The following RIC1 variants were observed in gnomAD, a reference collection of about 807,000 sequenced individuals.
The protein encoded by RIC1 is guanine nucleotide exchange factor subunit RIC1.
RIC1 carries 88 observed loss-of-function variants against 169.0 expected under a neutral mutation model. The ratio of observed to expected loss-of-function variants is 0.52; its 90% CI spans 0.44 to 0.62. The LOEUF (loss-of-function observed/expected upper bound fraction) is 0.62, where lower values mean the gene tolerates loss of function less well. RIC1 is among the 20% of genes least tolerant of loss of function. RIC1 has a pLI of 0.00. For synonymous variants in RIC1, 790 were observed against 601.5 expected, an observed-to-expected ratio of 1.31 and a Z score of -4.59; for missense variants, 1,877 against 1,725.5, an observed-to-expected ratio of 1.09 and a Z score of -1.56.
At chr9:5,653,230 G>T (rs890675882) in intron 1 of RIC1, among the ~76,000 whole-genome samples, 4 of 151,976 alleles carry the variant, frequency 2.6e-5, no homozygotes, top group South Asian at 2.1e-4. Flanking sequence ...TTAAAGATCA[G>T]TTGGCATATA....
In RIC1 at chr9:5,690,056, C is replaced by T. The variant is rs759345312; in HGVS notation, c.332+18C>T. ...TATCCCAAGTAAGTTTGTTGCCTTT[C>T]ATTCTTTTAATATGTGATTTGCATA... On this transcript the variant is annotated intron_variant, in intron 3 of 25. Coordinates refer to ENST00000414202, the MANE Select transcript of RIC1 (RefSeq NM_020829.4). 2.7e-5 allele frequency: 41 copies of T among 1,511,394 alleles called. No homozygotes were observed. The highest frequency in any genetic ancestry group is 3.4e-5 in the Non-Finnish European group (38 of 1,107,728). The allele number at this position is 1,511,394 out of a possible 1,614,324, so 93.6% of individuals were successfully genotyped here.
At position 5,691,756 on chromosome 9, in the gene RIC1, A is replaced by G. The variant is rs998911767; in HGVS notation, c.332+1718A>G. Among the ~76,000 whole-genome samples, 5 of 152,124 alleles carry G rather than the reference A, an allele frequency of 3.3e-5. No homozygotes were observed. In the South Asian group the frequency reaches 1.0e-3, roughly 31 times the overall value. ...TATTGCTTAATTTAGACATGTTCCT[A>G]TAAATAAAAAGCAGTAATCAGAAAC... On this transcript the variant is annotated intron_variant, in intron 3 of 25. Coordinates refer to ENST00000414202, the MANE Select transcript of RIC1 (RefSeq NM_020829.4).
chr9:5,720,274 C>T lies in RIC1; in HGVS notation c.533C>T (p.Ala178Val). 6.2e-7 allele frequency: 1 copy of T among 1,613,626 alleles called. No individual in the cohort carries two copies. The highest frequency in any genetic ancestry group is 8.5e-7 in the Non-Finnish European group (1 of 1,179,642). Residue 178 changes from alanine to valine, a missense_variant, in exon 5 of 26, where the codon GCC becomes GTC. By Grantham distance (64) the Ala-to-Val change is moderately conservative. Coordinates refer to ENST00000414202, the MANE Select transcript of RIC1 (RefSeq NM_020829.4). The part of the protein sequence containing the change: ...HWEGMTNGRK[A>V]INLCTVPFSV... Reference sequence around the variant, plus strand: ...GAAGGAATGACAAATGGAAGGAAAGCCATTAATCTTTGCACAGTACCCTTT... The same window carrying T: ...GAAGGAATGACAAATGGAAGGAAAGTCATTAATCTTTGCACAGTACCCTTT...
intron 3 of RIC1, among the ~76,000 whole-genome samples, chr9:5,700,427 C>G (rs946677765): frequency 6.6e-6 from 1 of 152,000 alleles, no homozygotes; most frequent in African/African-American, 2.4e-5. Flanking sequence ...TAAAAATATT[C>G]AATTTATTAG....
At chr9:5,694,171 GC>G (rs891295607) in intron 3 of RIC1, among the ~76,000 whole-genome samples, 1 of 152,098 alleles carries the variant, frequency 6.6e-6, no homozygotes, top group African/African-American at 2.4e-5. Context: ...AACACAACTT[GC>G]CCCTTCTAAA....
intron 4 of RIC1, among the ~76,000 whole-genome samples, chr9:5,717,814 G>A (rs1823346692): frequency 6.6e-6 from 1 of 151,382 alleles, no homozygotes; most frequent in East Asian, 1.9e-4. Flanking sequence ...TCTAGCCTGG[G>A]CAGCAGAGTA....
chr9:5,713,641 G>C, intron 3 of RIC1: 1 of 274,554 alleles, frequency 3.6e-6, no homozygotes, highest in South Asian at 6.3e-5. Context: ...TTTCAAGTGG[G>C]TTTTTTTCTC....
intron 21 of RIC1, among the ~76,000 whole-genome samples, chr9:5,766,633 T>G (rs1170463058): frequency 1.3e-5 from 2 of 152,224 alleles, no homozygotes; most frequent in African/African-American, 2.4e-5. Flanking sequence ...TCACTTAGAA[T>G]AATACTCTCC....
chr9:5,667,861 G>C (rs1819872211), intron 2 of RIC1, among the ~76,000 whole-genome samples: 1 of 152,028 alleles, frequency 6.6e-6, no homozygotes. Context: ...CAGTTACCCA[G>C]CTCCAAAGTT....
In RIC1 at chr9:5,690,594, C is replaced by G. The variant is rs144345990; in HGVS notation, c.332+556C>G. ...TTTTTTTTTTAATCAAGCCATAAAG[C>G]CAGATAAAAATATAAGAGCATTTAT... On this transcript the variant is annotated intron_variant, in intron 3 of 25. Coordinates refer to ENST00000414202, the MANE Select transcript of RIC1 (RefSeq NM_020829.4). Among the ~76,000 whole-genome samples the G allele has an allele frequency of 3.9e-4, 58 of 149,024 alleles. 3 individuals are homozygous for G. The highest frequency in any genetic ancestry group is 3.5e-3 in the Admixed American group (53 of 14,976).
At chr9:5,721,251 C>G (rs1035024566) in intron 6 of RIC1, among the ~76,000 whole-genome samples, 1 of 152,176 alleles carries the variant, frequency 6.6e-6, no homozygotes, top group African/African-American at 2.4e-5. Context: ...CCATGTGGTA[C>G]TGACGCAGAA....
At chr9:5,660,123 G>C (rs574672663) in intron 2 of RIC1, among the ~76,000 whole-genome samples, 1 of 152,122 alleles carries the variant, frequency 6.6e-6, no homozygotes, top group East Asian at 1.9e-4. Flanking sequence ...TTCTGTTCCT[G>C]TGTTAGTTTG....
chr9:5,646,053 C>A (rs912828180), intron 1 of RIC1, among the ~76,000 whole-genome samples: 40 of 150,836 alleles, frequency 2.7e-4, no homozygotes, highest in African/African-American at 7.8e-4. Context: ...ACCAGCAATA[C>A]AGTGGTTCCA....
chr9:5,694,428 A>G (rs1014765696), intron 3 of RIC1, among the ~76,000 whole-genome samples: 1 of 152,190 alleles, frequency 6.6e-6, no homozygotes, highest in African/African-American at 2.4e-5. Flanking sequence ...AAAGTATGTT[A>G]GTGATCTTGA....
At chr9:5,758,494 T>G (rs184703519) in intron 17 of RIC1, among the ~76,000 whole-genome samples, 1 of 152,302 alleles carries the variant, frequency 6.6e-6, no homozygotes, top group Admixed American at 6.5e-5. Context: ...TAAAATCAAT[T>G]TTGTTACCTT....
intron 3 of RIC1, among the ~76,000 whole-genome samples, chr9:5,711,194 A>G (rs1822907764): frequency 6.6e-6 from 1 of 152,186 alleles, no homozygotes; most frequent in African/African-American, 2.4e-5. Flanking sequence ...TAGTCTGTGA[A>G]TAGGAATGTC....
downstream of RIC1, among the ~76,000 whole-genome samples, chr9:5,778,433 A>AT (rs1475177222): frequency 2.0e-5 from 3 of 152,166 alleles, no homozygotes; most frequent in Non-Finnish European, 2.9e-5. Flanking sequence ...TACAATGCTT[A>AT]TTAGGTGGCA....
intron 21 of RIC1, among the ~76,000 whole-genome samples, chr9:5,767,499 G>A (rs986328067): frequency 1.3e-5 from 2 of 149,960 alleles, no homozygotes; most frequent in South Asian, 2.1e-4. Context: ...TTTTCCCCAG[G>A]ACAACATGAA....
chr9:5,704,925 C>T (rs924616630), intron 3 of RIC1, among the ~76,000 whole-genome samples: 5 of 152,090 alleles, frequency 3.3e-5, no homozygotes, highest in South Asian at 2.1e-4. Flanking sequence ...AATGTTGTTT[C>T]CCCTGTTGAG....
Sources: allele counts gnomAD v4.1 joint callset (sites outside exome capture counted in the v4.1 genomes callset), GRCh38; gene constraint gnomAD v4.1.1; transcripts MANE v1.5; gene names NCBI Gene and HGNC (gene_info 2026-07-23, HGNC 2026-07-21).